The following KIF24 variants were observed in gnomAD, a reference collection of about 807,000 sequenced individuals.
KIF24 encodes the protein kinesin family member 24, also known as kinesin-like protein KIF24.
Under a neutral mutation model 118.9 loss-of-function variants are expected in KIF24, and 81 were observed. That is an observed-to-expected ratio of 0.68 (90% confidence interval 0.57 to 0.82). KIF24 has a LOEUF of 0.82. KIF24 is among the 40% of genes least tolerant of loss of function. KIF24 has a pLI of 0.00. For missense variants in KIF24, 1,560 were observed against 1,661.6 expected, an observed-to-expected ratio of 0.94 and a Z score of 1.06; for synonymous variants, 599 against 610.0, an observed-to-expected ratio of 0.98 and a Z score of 0.27.
intron 8 of KIF24, among the ~76,000 whole-genome samples, chr9:34,268,801 C>T (rs1835391897): frequency 6.6e-6 from 1 of 152,176 alleles, no homozygotes; most frequent in Non-Finnish European, 1.5e-5. Flanking sequence ...AGCCACCGCT[C>T]CCAGCTGGAT....
chr9:34,257,920 A>T lies in KIF24; in HGVS notation c.1687T>A (p.Ser563Thr). 1 of 1,613,962 alleles carries T rather than the reference A, an allele frequency of 6.2e-7. No homozygotes were observed. The highest frequency in any genetic ancestry group is 8.5e-7 in the Non-Finnish European group (1 of 1,179,876). The part of the protein sequence containing the change: ...CTSVTSRNRT[S>T]GNSSPKRIQS... ...ATTCGTTTTGGAGAGGAGTTTCCAG[A>T]TGTCCGATTTCGACTGGTAACTGAA... Residue 563 changes from serine to threonine, a missense_variant, in exon 11 of 13, where the codon TCT becomes ACT. Physicochemically the swap from Ser to Thr is moderately conservative, Grantham distance 58. Around this residue, in one of 3 missense-constraint regions of KIF24, gnomAD observed 964 missense variants for 988.0 expected, o/e 0.98. Transcript: ENST00000402558.
Position 34,255,959 on chromosome 9 carries a change from A to T in KIF24, c.3648T>A (p.Ala1216=), listed in dbSNP as rs1415900570. ...TTCTCTCCTGGGCCCAGAGCTGGTC[A>T]GCCACATCACTACTTCCTGTTCGTG... The part of the protein sequence containing the change: ...LTPRTGSSDV[A]DQLWAQERKH... The change falls in exon 11 of 13, where the codon GCT becomes GCA. Residue 1216 remains alanine (A), a synonymous_variant. Transcript: ENST00000402558. 1 of 1,613,990 alleles carries T rather than the reference A, an allele frequency of 6.2e-7. No individual in the cohort carries two copies. Among genetic ancestry groups the T allele is most frequent in the Non-Finnish European group, 8.5e-7 (1 of 1,179,856 alleles).
intron 9 of KIF24, among the ~76,000 whole-genome samples, chr9:34,260,281 T>A (rs1835006061): frequency 1.3e-5 from 2 of 152,232 alleles, no homozygotes; most frequent in South Asian, 4.1e-4. Context: ...CCAAAAAAAG[T>A]ATATATGATA....
chr9:34,311,731 TATATATAC>T (rs1232573113), intron 1 of KIF24, among the ~76,000 whole-genome samples: 14 of 147,290 alleles, frequency 9.5e-5, no homozygotes, highest in African/African-American at 3.3e-4. Flanking sequence ...TATACACGTA[TATATATAC>T]ATATATACGT....
Position 34,256,932 on chromosome 9 carries a change from C to A in KIF24, c.2675G>T (p.Trp892Leu). The A allele has an allele frequency of 6.2e-7, 1 of 1,613,990 alleles. No homozygotes were observed. The highest frequency in any genetic ancestry group is 8.5e-7 in the Non-Finnish European group (1 of 1,179,898). Residue 892 changes from tryptophan to leucine, a missense_variant, in exon 11 of 13, where the codon TGG becomes TTG. Trp to Leu is a moderately conservative substitution (Grantham distance 61, BLOSUM62 -2). This residue lies in a region of KIF24 where 591 missense variants were observed against 655.6 expected (regional missense o/e 0.90). Transcript: ENST00000402558. The part of the protein sequence containing the change: ...TGDKKDLTKS[W>L]VDSRDPINHR... The stretch of plus-strand genomic sequence containing the variant: ...GTTTATGGGGTCCCTGGAGTCCACC[C>A]AGCTTTTAGTTAGATCTTTCTTGTC...
At chr9:34,289,820 A>G (rs1418690648) in intron 5 of KIF24, among the ~76,000 whole-genome samples, 2 of 152,216 alleles carry the variant, frequency 1.3e-5, no homozygotes, top group Non-Finnish European at 2.9e-5. Context: ...AACATTATTT[A>G]TAGTTTTTCC....
chr9:34,272,523 G>A (rs1027778901), intron 6 of KIF24, among the ~76,000 whole-genome samples: 26 of 152,234 alleles, frequency 1.7e-4, no homozygotes, highest in Non-Finnish European at 1.3e-4. Context: ...GAGGTGAAGC[G>A]TCAGGATTGG....
intron 4 of KIF24, among the ~76,000 whole-genome samples, chr9:34,293,783 A>C (rs537134239): frequency 6.6e-6 from 1 of 152,228 alleles, no homozygotes; most frequent in Non-Finnish European, 1.5e-5. Flanking sequence ...AAAAAAGAAC[A>C]TGAAAAGAAG....
In KIF24 at chr9:34,254,372, G is replaced by C; in HGVS notation, c.*8C>G. ...AGGGCCCCCACCATCTCGGCACAGG[G>C]TCTGGCTCTAAGACGGCACTGTTCC... On this transcript the variant is annotated 3_prime_UTR_variant, in exon 13 of 13. Transcript: ENST00000402558. The C allele has an allele frequency of 1.2e-6, 2 of 1,610,592 alleles. No homozygotes were observed. Among genetic ancestry groups the C allele is most frequent in the Non-Finnish European group, 1.7e-6 (2 of 1,179,020 alleles).
chr9:34,278,484 T>G (rs573729468), intron 6 of KIF24, among the ~76,000 whole-genome samples: 133 of 152,178 alleles, frequency 8.7e-4, no homozygotes, highest in African/African-American at 3.0e-3. Context: ...AACTATTTCT[T>G]TTTTTCATAA....
At position 34,318,578 on chromosome 9, in the gene KIF24, G is replaced by A; in HGVS notation, c.-25-7207C>T. 3.0e-6 allele frequency: 4 copies of A among 1,339,442 alleles called. No homozygotes were observed. The highest frequency in any genetic ancestry group is 1.4e-5 in the African/African-American group (1 of 71,376). 83.0% of individuals were successfully genotyped at this position (1,339,442 alleles called of 1,614,324 possible). On this transcript the variant is annotated intron_variant, in intron 1 of 12. Transcript: ENST00000402558. The surrounding 1 kb of genome is among the most constrained non-coding windows in gnomAD (Gnocchi z 4.9). ...GGCCTTCAGCCTGTACCAGGCCATG[G>A]CCAAGGACCAGGCGGTGGAGAACAT...
At chr9:34,293,880 C>T (rs781163960) in intron 4 of KIF24, among the ~76,000 whole-genome samples, 18 of 152,212 alleles carry the variant, frequency 1.2e-4, no homozygotes, top group Non-Finnish European at 2.2e-4. Flanking sequence ...AATAAGAAAG[C>T]CTGACGATAG....
At chr9:34,271,431 G>A (rs1208555142) in intron 7 of KIF24, among the ~76,000 whole-genome samples, 2 of 151,988 alleles carry the variant, frequency 1.3e-5, no homozygotes, top group Non-Finnish European at 2.9e-5. Flanking sequence ...GAGCACCAGA[G>A]AGGCAATGAA....
chr9:34,300,850 C>CAAAAAAAAAAAAAAAAAAAAA (rs57919845), intron 3 of KIF24, among the ~76,000 whole-genome samples: 1 of 105,676 alleles, frequency 9.5e-6, no homozygotes, highest in African/African-American at 3.9e-5. Context: ...CGGCATTTCT[C>CAAAAAAAAAAAAAAAAAAAAA]AAAAAAAAAA....
At chr9:34,277,271 C>T (rs1835690982) in intron 6 of KIF24, among the ~76,000 whole-genome samples, 1 of 151,984 alleles carries the variant, frequency 6.6e-6, no homozygotes, top group African/African-American at 2.4e-5. Flanking sequence ...TAAACCTTTA[C>T]ATTTGTAAAA....
At chr9:34,300,210 T>C (rs912465130) in intron 3 of KIF24, among the ~76,000 whole-genome samples, 3 of 150,754 alleles carry the variant, frequency 2.0e-5, no homozygotes, top group Non-Finnish European at 4.4e-5. Flanking sequence ...GAATAATAGA[T>C]GTGTGAACTT....
At chr9:34,314,480 T>G (rs1024407840) in intron 1 of KIF24, among the ~76,000 whole-genome samples, 1 of 152,024 alleles carries the variant, frequency 6.6e-6, no homozygotes, top group African/African-American at 2.4e-5. Flanking sequence ...TTAGACACTT[T>G]AAAATATATA....
chr9:34,307,079 T>A (rs1021718610), intron 2 of KIF24, among the ~76,000 whole-genome samples: 10 of 151,904 alleles, frequency 6.6e-5, no homozygotes, highest in Admixed American at 2.0e-4. Flanking sequence ...TGAAAAAAAA[T>A]TTTTTTTGAG....
At chr9:34,280,283 CAAAAAAAAAAAAAAA>C (rs56387532) in intron 6 of KIF24, among the ~76,000 whole-genome samples, 2 of 64,450 alleles carry the variant, frequency 3.1e-5, no homozygotes, top group African/African-American at 8.2e-5. Flanking sequence ...GACTCCGTCT[CAAAAAAAAAAAAAAA>C]AAAAAAAAAA....
Sources: gnomAD v4.1 joint callset for allele counts (sites outside exome capture counted in the v4.1 genomes callset) on GRCh38, gnomAD v4.1.1 for gene constraint, gnomAD v4.1.1 regional missense constraint, Gnocchi (gnomAD v3.1) non-coding constraint, MANE v1.5 for transcripts, NCBI Gene and HGNC (gene_info 2026-07-23, HGNC 2026-07-21) for gene names.